Variants in USP6 observed in about 807,000 individuals in gnomAD.
USP6 encodes ubiquitin specific peptidase 6.
A neutral mutation model predicts 175.7 loss-of-function variants in USP6; 128 were observed. The ratio of observed to expected loss-of-function variants is 0.73; its 90% CI spans 0.63 to 0.84. USP6 has a LOEUF of 0.84. Among genes scored for constraint, USP6 ranks in the 40% least tolerant of loss-of-function variants. The probability of loss-of-function intolerance (pLI) is 0.00; values close to 1 mark genes in which losing one functional copy is unlikely to be tolerated. For synonymous variants in USP6, 562 were observed against 630.6 expected (o/e 0.89, Z 1.63); for missense variants, 1,498 against 1,760.3 (o/e 0.85, Z 2.67).
chr17:5,171,383 T>C (rs1258780910), intron 36 of USP6, among the ~76,000 whole-genome samples: 2 of 152,200 alleles, frequency 1.3e-5, no homozygotes, highest in Non-Finnish European at 2.9e-5. Flanking sequence ...ATAAAATGAT[T>C]GTTTATCCAC....
chr17:5,132,685 G>T lies in USP6; in HGVS notation c.196-225G>T, dbSNP rs1324208914. 6.6e-6 allele frequency among the ~76,000 whole-genome samples: 1 copy of T among 152,182 alleles called. No individual in the cohort carries two copies. Among genetic ancestry groups the T allele is most frequent in the Non-Finnish European group, 1.5e-5 (1 of 68,022 alleles). On this transcript the variant is annotated intron_variant, in intron 12 of 37. Coordinates refer to ENST00000574788, the MANE Select transcript of USP6 (RefSeq NM_001304284.2). The surrounding 1 kb of genome is among the most constrained non-coding windows in gnomAD (Gnocchi z 4.7). ...TGTCAGGACCCCACCTAGAGGCTGG[G>T]ACCTAAGACTGGTGTGTCTGTGGCC...
At chr17:5,155,879 ATCC>A (rs1328653071) in intron 31 of USP6, among the ~76,000 whole-genome samples, 1 of 152,172 alleles carries the variant, frequency 6.6e-6, no homozygotes, top group Non-Finnish European at 1.5e-5. Context: ...GTGTCTAATA[ATCC>A]TTCCATTCTC....
At position 5,139,414 on chromosome 17, in the gene USP6, C is replaced by T. The variant is rs754253199; in HGVS notation, c.1238C>T (p.Thr413Met). Reference sequence around the variant, plus strand: ...CCGCCATGGGCATCTCGTTTTTCCACGCCCTGTCCTGGTGGGGCTGTCCGG... The same window carrying T: ...CCGCCATGGGCATCTCGTTTTTCCATGCCCTGTCCTGGTGGGGCTGTCCGG... ...ASPPWASRFS[T>M]PCPGGAVRED... Residue 413 changes from threonine to methionine, a missense_variant, in exon 22 of 38, where the codon ACG (threonine) becomes ATG (methionine). Physicochemically the swap from Thr to Met is moderately conservative, Grantham distance 81. Coordinates refer to ENST00000574788, the MANE Select transcript of USP6 (RefSeq NM_001304284.2). 5.0e-6 allele frequency: 8 copies of T among 1,613,162 alleles called. No individual in the cohort carries two copies. The Admixed American group carries it at 6.7e-5, about 13-fold the overall frequency.
intron 32 of USP6, 92 bp from the exon 33 acceptor site, chr17:5,162,792 A>C: frequency 1.3e-6 from 2 of 1,525,350 alleles, no homozygotes; most frequent in Non-Finnish European, 1.7e-6. Flanking sequence ...AGAGGAAAGC[A>C]GAAAAGTAGG....
chr17:5,157,890 T>A (rs1436290761), intron 31 of USP6, among the ~76,000 whole-genome samples: 1 of 150,296 alleles, frequency 6.7e-6, no homozygotes, highest in African/African-American at 2.5e-5. Flanking sequence ...CCTCCCGAAG[T>A]GGTGGAATTA....
At chr17:5,172,215 C>T (rs1192582695) in intron 37 of USP6, among the ~76,000 whole-genome samples, 2 of 150,964 alleles carry the variant, frequency 1.3e-5, no homozygotes, top group Non-Finnish European at 2.9e-5. Context: ...GCAAAAAGCT[C>T]CTATCTTCTA....
chr17:5,121,117 A>G (rs765292886), intron 3 of USP6, among the ~76,000 whole-genome samples: 7 of 152,176 alleles, frequency 4.6e-5, no homozygotes, highest in Non-Finnish European at 8.8e-5. Context: ...TGTCCTAGGG[A>G]CAGCAATAGG....
intron 4 of USP6, chr17:5,123,248 C>CCT (rs2072760329): frequency 6.5e-6 from 1 of 153,142 alleles, no homozygotes; most frequent in African/African-American, 2.4e-5. Context: ...GGGCACACGT[C>CCT]GGTGGCCACA....
intron 6 of USP6, 128 bp from the exon 7 acceptor site, chr17:5,127,376 A>G (rs1832481837): frequency 1.3e-5 from 2 of 152,202 alleles, no homozygotes; most frequent in African/African-American, 4.8e-5. Flanking sequence ...CCTCACCCCG[A>G]GGCTGCCTAA....
intron 37 of USP6, among the ~76,000 whole-genome samples, chr17:5,172,555 ATAAT>A (rs2074249803): frequency 6.6e-6 from 1 of 152,188 alleles, no homozygotes; most frequent in Admixed American, 6.5e-5. Context: ...TACAAAATAA[ATAAT>A]TAGAATTTGA....
Position 5,135,804 on chromosome 17 carries a change from G to A in USP6, c.544-4G>A. 6.3e-7 allele frequency: 1 copy of A among 1,597,850 alleles called. No homozygotes were observed. Among genetic ancestry groups the A allele is most frequent in the Non-Finnish European group, 8.5e-7 (1 of 1,179,710 alleles). Reference sequence around the variant, plus strand: ...TCCTTCCATGGTGACTCTGGCTCTTGCAGGAGGTGGGCTACTGCAGGGACC... The same window carrying A: ...TCCTTCCATGGTGACTCTGGCTCTTACAGGAGGTGGGCTACTGCAGGGACC... On this transcript the variant is annotated splice_polypyrimidine_tract_variant and splice_region_variant and intron_variant, in intron 16 of 37. Coordinates refer to ENST00000574788, the MANE Select transcript of USP6 (RefSeq NM_001304284.2).
At chr17:5,131,101 C>T (rs535424179) in intron 11 of USP6, among the ~76,000 whole-genome samples, 16 of 152,278 alleles carry the variant, frequency 1.1e-4, no homozygotes, top group Middle Eastern at 3.4e-3. Context: ...CAGAGCCCAC[C>T]GGCCCCTGTC....
intron 36 of USP6, 100 bp from the exon 37 acceptor site, chr17:5,171,487 C>T: frequency 1.8e-6 from 2 of 1,122,714 alleles, no homozygotes; most frequent in Non-Finnish European, 1.2e-6. Flanking sequence ...ACCTATTGAT[C>T]ATTTACATGA....
intron 25 of USP6, among the ~76,000 whole-genome samples, chr17:5,143,993 CAT>C (rs1344056017): frequency 6.6e-6 from 1 of 152,044 alleles, no homozygotes; most frequent in Non-Finnish European, 1.5e-5. Flanking sequence ...ATTAATATCA[CAT>C]GTAGTAGATT....
intron 31 of USP6, among the ~76,000 whole-genome samples, chr17:5,156,726 A>C (rs1303659633): frequency 6.6e-6 from 1 of 151,720 alleles, no homozygotes; most frequent in Non-Finnish European, 1.5e-5. Context: ...AGGGCTTAGG[A>C]TAAATACATC....
chr17:5,152,825 C>G (rs2073802517), intron 30 of USP6, among the ~76,000 whole-genome samples: 1 of 152,068 alleles, frequency 6.6e-6, no homozygotes, highest in Non-Finnish European at 1.5e-5. Context: ...GGTGAAACCC[C>G]ATCTCTACAG....
At chr17:5,171,760 T>C (rs2074223157) in intron 37 of USP6, 81 bp downstream of exon 37, 2 of 1,409,380 alleles carry the variant, frequency 1.4e-6, no homozygotes, top group Non-Finnish European at 2.0e-6. Context: ...GACTATCTCT[T>C]GAATAGGAAA....
At chr17:5,155,697 A>T in intron 31 of USP6, 91 bp downstream of exon 31, 1 of 1,275,492 alleles carries the variant, frequency 7.8e-7, no homozygotes, top group Admixed American at 3.0e-5. Flanking sequence ...GGCCCAGCCC[A>T]TGTCAAGTTT....
At chr17:5,144,563 G>A in intron 25 of USP6, 127 bp from the exon 26 acceptor site, 1 of 1,074,944 alleles carries the variant, frequency 9.3e-7, no homozygotes, top group Non-Finnish European at 1.3e-6. Context: ...TACATTTGTT[G>A]AAATGGAGGC....
Sources: allele counts gnomAD v4.1 joint callset (sites outside exome capture counted in the v4.1 genomes callset), GRCh38; gene constraint gnomAD v4.1.1; non-coding constraint Gnocchi (gnomAD v3.1); transcripts MANE v1.5; gene names NCBI Gene and HGNC (gene_info 2026-07-23, HGNC 2026-07-21).